ADAM10: variants seen among roughly 807,000 people sequenced by gnomAD.
ADAM10 encodes the protein disintegrin and metalloproteinase domain-containing protein 10.
Under a neutral mutation model 90.1 loss-of-function variants are expected in ADAM10, and 17 were observed. The observed-to-expected ratio is 0.19, with a 90% CI of 0.13 to 0.28. ADAM10 has a LOEUF of 0.28. Ranked by LOEUF, ADAM10 falls within the 10% of genes least tolerant of loss-of-function variation. The pLI is 1.00. For missense variants in ADAM10, 610 were observed against 914.3 expected, an observed-to-expected ratio of 0.67 and a Z score of 4.29; for synonymous variants, 310 against 298.6, an observed-to-expected ratio of 1.04 and a Z score of -0.40.
chr15:58,699,006 T>C (rs911547724), intron 2 of ADAM10, among the ~76,000 whole-genome samples: 1 of 152,044 alleles, frequency 6.6e-6, no homozygotes, highest in African/African-American at 2.4e-5. Flanking sequence ...AGTCAAACTG[T>C]GAAAAGTCAA....
At chr15:58,691,180 TATC>T (rs1263671588) in intron 2 of ADAM10, 1 of 721,132 alleles carries the variant, frequency 1.4e-6, no homozygotes, top group East Asian at 2.6e-5. Context: ...TCAACCTTCT[TATC>T]TAAGATTTCT....
At chr15:58,666,267 C>A (rs1193408650) in intron 4 of ADAM10, among the ~76,000 whole-genome samples, 1 of 150,036 alleles carries the variant, frequency 6.7e-6, no homozygotes, top group African/African-American at 2.4e-5. Flanking sequence ...CACCCCAACG[C>A]CCCTGAAGGG....
chr15:58,735,633 GAA>G lies in ADAM10; in HGVS notation c.55+13845_55+13846del, dbSNP rs577952307. The stretch of plus-strand genomic sequence containing the variant: ...TGTGTTGTGTAGGGAATAATAACAA[GAA>G]AAAAGTCTGTACATGTTAAGTACAG... On this transcript the variant is annotated intron_variant, in intron 1 of 15. Coordinates refer to ENST00000260408, the MANE Select transcript of ADAM10 (RefSeq NM_001110.4). Among the ~76,000 whole-genome samples, 10 of 151,932 alleles carry G rather than the reference GAA, an allele frequency of 6.6e-5. No individual in the cohort carries two copies. The South Asian group carries it at 2.1e-3, about 32-fold the overall frequency.
chr15:58,736,361 A>C (rs952133733), intron 1 of ADAM10, among the ~76,000 whole-genome samples: 2 of 152,212 alleles, frequency 1.3e-5, no homozygotes, highest in African/African-American at 2.4e-5. Flanking sequence ...AAAAGCTAGC[A>C]TATATTACAG....
In ADAM10 at chr15:58,689,946, C is replaced by A. The variant is rs1200410783; in HGVS notation, c.207-7632G>T. 2.1e-4 allele frequency among the ~76,000 whole-genome samples: 26 copies of A among 126,562 alleles called. 1 individual carries two copies. The Middle Eastern group carries it at 0.011, about 52-fold the overall frequency. The allele number at this position is 126,562 out of a possible 152,430, so 83.0% of individuals were successfully genotyped here. Reference sequence around the variant, plus strand: ...TCTGATTCCAAAACCAAAGACAGACCCCCCCCAAAAAAAAAAAAAAAAGAC... The same window carrying A: ...TCTGATTCCAAAACCAAAGACAGACACCCCCCAAAAAAAAAAAAAAAAGAC... On this transcript the variant is annotated intron_variant, in intron 2 of 15. Coordinates refer to ENST00000260408, the MANE Select transcript of ADAM10 (RefSeq NM_001110.4).
chr15:58,685,545 AAT>A (rs56776777), intron 2 of ADAM10, among the ~76,000 whole-genome samples: 6,119 of 115,598 alleles, frequency 0.053, 124 homozygotes, highest in Middle Eastern at 0.087. Flanking sequence ...TATGAAGGAG[AAT>A]ATATATATAT....
Position 58,594,767 on chromosome 15 carries a change from C to T in ADAM10, c.*2780G>A, listed in dbSNP as rs1414436285. 1 of 151,822 alleles carries T rather than the reference C, an allele frequency of 6.6e-6. No individual in the cohort carries two copies. The highest frequency in any genetic ancestry group is 1.5e-5 in the Non-Finnish European group (1 of 67,946). 9.4% of individuals were successfully genotyped at this position (151,822 alleles called of 1,614,324 possible). The stretch of plus-strand genomic sequence containing the variant: ...GTAAAAATAACTAATTTATAATTAC[C>T]CAAATCAATCAATATTGAGAGTTTC... On this transcript the variant is annotated 3_prime_UTR_variant, in exon 16 of 16. Transcript: ENST00000260408.
chr15:58,683,712 T>TA lies in ADAM10; in HGVS notation c.207-1399dup, dbSNP rs1168748859. On this transcript the variant is annotated intron_variant, in intron 2 of 15. Coordinates refer to ENST00000260408, the MANE Select transcript of ADAM10 (RefSeq NM_001110.4). ...CCGTCTCTACTAAAAATACAAAAAC[T>TA]AGCCAGGCATGGTGGCTTGCACCTC... Among the ~76,000 whole-genome samples, 4 of 151,682 alleles carry TA rather than the reference T, an allele frequency of 2.6e-5. No individual in the cohort carries two copies. The East Asian group carries it at 7.7e-4, about 29-fold the overall frequency.
At chr15:58,668,856 T>C (rs147400794) in intron 4 of ADAM10, among the ~76,000 whole-genome samples, 55 of 152,292 alleles carry the variant, frequency 3.6e-4, no homozygotes, top group African/African-American at 5.5e-4. Context: ...GGTCATCCAT[T>C]AACCAAAGAC....
chr15:58,717,601 C>G lies in ADAM10; in HGVS notation c.182G>C (p.Arg61Pro). Reference protein sequence around the residue: ...RAVSHEDQFLRLDFHAHGRHF... With the variant: ...RAVSHEDQFLPLDFHAHGRHF... ...CCTTCCATGGGCATGGAAATCTAGA[C>G]GTAAAAATTGGTCTTCATGTGAGAC... The change falls in exon 2 of 16, where the codon CGT becomes CCT. Residue 61 changes from arginine (R) to proline (P), a missense_variant. Physicochemically the swap from Arg to Pro is moderately radical, Grantham distance 103. Coordinates refer to ENST00000260408, the MANE Select transcript of ADAM10 (RefSeq NM_001110.4). 3 of 1,613,786 alleles carry G rather than the reference C, an allele frequency of 1.9e-6. No individual in the cohort carries two copies. Among genetic ancestry groups the G allele is most frequent in the Non-Finnish European group, 2.5e-6 (3 of 1,179,892 alleles).
At chr15:58,620,051 G>T (rs747987489) in intron 11 of ADAM10, among the ~76,000 whole-genome samples, 1 of 151,958 alleles carries the variant, frequency 6.6e-6, no homozygotes, top group Non-Finnish European at 1.5e-5. Context: ...ATGGAAAATG[G>T]ATTTAATATT....
rs202235871 is a variant in ADAM10 at position 58,679,138 on chromosome 15, T to C, written c.470A>G (p.His157Arg). 1.2e-6 allele frequency: 2 copies of C among 1,613,826 alleles called. No individual in the cohort carries two copies. The highest frequency in any genetic ancestry group is 1.7e-5 in the Admixed American group (1 of 60,022). The change falls in exon 4 of 16, where the codon CAT (histidine) becomes CGT (arginine). Residue 157 changes from histidine (H) to arginine (R), a missense_variant. This residue lies in a region of ADAM10 where 310 missense variants were observed against 362.4 expected (regional missense o/e 0.86). Coordinates refer to ENST00000260408, the MANE Select transcript of ADAM10 (RefSeq NM_001110.4). ...RTLPFHSVIY[H>R]EDDINYPHKY... ...TAAGTACTTACTAATATCATCTTCA[T>C]GATAAATGACAGAGTGAAATGGCAG... is the stretch of plus-strand genomic sequence containing the variant.
chr15:58,639,019 T>C (rs988479367), intron 8 of ADAM10, among the ~76,000 whole-genome samples: 8 of 152,180 alleles, frequency 5.3e-5, no homozygotes, highest in Non-Finnish European at 1.0e-4. Context: ...TTTACCAAAT[T>C]CCTACAGAAT....
At chr15:58,714,792 T>C (rs1898601578) in intron 2 of ADAM10, among the ~76,000 whole-genome samples, 1 of 152,040 alleles carries the variant, frequency 6.6e-6, no homozygotes, top group Non-Finnish European at 1.5e-5. Flanking sequence ...TATATACAGA[T>C]AGAAATCCTG....
chr15:58,614,458 GC>G (rs1337107818), intron 11 of ADAM10, among the ~76,000 whole-genome samples: 1 of 152,090 alleles, frequency 6.6e-6, no homozygotes, highest in Non-Finnish European at 1.5e-5. Flanking sequence ...ATATAAGGGA[GC>G]ATCTATTAGA....
intron 5 of ADAM10, among the ~76,000 whole-genome samples, chr15:58,659,753 G>A (rs1896923682): frequency 6.6e-6 from 1 of 152,100 alleles, no homozygotes; most frequent in African/African-American, 2.4e-5. Flanking sequence ...TTTTGAGACA[G>A]AGTCTCACTC....
chr15:58,676,046 C>G lies in ADAM10; in HGVS notation c.484+3078G>C, dbSNP rs73426528. On this transcript the variant is annotated intron_variant, in intron 4 of 15. Coordinates refer to ENST00000260408, the MANE Select transcript of ADAM10 (RefSeq NM_001110.4). ...AATACACATTAAAGGGCATCCTTTGCCATTTAGTTATAAAATAAACACTGC... is the reference window on the plus strand; with the variant it reads ...AATACACATTAAAGGGCATCCTTTGGCATTTAGTTATAAAATAAACACTGC... 1,730 of 219,576 alleles carry G rather than the reference C, an allele frequency of 7.9e-3. 35 individuals carry two copies. The highest frequency in any genetic ancestry group is 0.038 in the African/African-American group (1,639 of 42,970). The allele number at this position is 219,576 out of a possible 1,614,324, so 13.6% of individuals were successfully genotyped here.
intron 5 of ADAM10, among the ~76,000 whole-genome samples, chr15:58,655,904 A>C (rs1243441856): frequency 6.7e-6 from 1 of 149,482 alleles, no homozygotes; most frequent in Admixed American, 6.7e-5. Flanking sequence ...CCACCACCAC[A>C]CCCAGCTAAT....
intron 1 of ADAM10, among the ~76,000 whole-genome samples, chr15:58,720,087 T>C (rs1364304061): frequency 6.6e-6 from 1 of 152,204 alleles, no homozygotes; most frequent in Admixed American, 6.5e-5. Flanking sequence ...CCACATGAGC[T>C]AAGTAATTAT....
Sources: gnomAD v4.1 joint callset for allele counts (sites outside exome capture counted in the v4.1 genomes callset) on GRCh38, gnomAD v4.1.1 for gene constraint, gnomAD v4.1.1 regional missense constraint, MANE v1.5 for transcripts, NCBI Gene and HGNC (gene_info 2026-07-23, HGNC 2026-07-21) for gene names.